The following TDRD12 variants were observed in gnomAD, a reference collection of about 807,000 sequenced individuals.
TDRD12 encodes the protein tudor domain containing 12.
TDRD12 carries 158 observed loss-of-function variants against 133.5 expected under a neutral mutation model. The observed-to-expected ratio is 1.18, with a 90% CI of 1.04 to 1.35. The LOEUF (loss-of-function observed/expected upper bound fraction) is 1.35. Among genes scored for constraint, TDRD12 ranks in the 40% most tolerant of loss-of-function variants. TDRD12 has a pLI of 0.00. For synonymous variants in TDRD12, 460 were observed against 477.9 expected (o/e 0.96, Z 0.49); for missense variants, 1,443 against 1,321.3 (o/e 1.09, Z -1.43).
intron 8 of TDRD12, among the ~76,000 whole-genome samples, chr19:32,758,520 C>G (rs897428899): frequency 1.3e-5 from 2 of 152,156 alleles, no homozygotes; most frequent in Non-Finnish European, 2.9e-5. Flanking sequence ...AAACTGGTTT[C>G]TGCTTGAAAA....
At chr19:32,746,996 G>A (rs1190576494) in intron 4 of TDRD12, among the ~76,000 whole-genome samples, 1 of 139,018 alleles carries the variant, frequency 7.2e-6, no homozygotes, top group African/African-American at 2.7e-5. Context: ...GAGAGGAGGG[G>A]AGAGACTGGC....
intron 4 of TDRD12, among the ~76,000 whole-genome samples, chr19:32,744,532 A>G (rs970743207): frequency 6.7e-6 from 1 of 149,784 alleles, no homozygotes; most frequent in Admixed American, 6.6e-5. Flanking sequence ...AAACAAAAGA[A>G]TATAGATAAA....
chr19:32,720,046 GC>G (rs1968571917), exon 1 of TDRD12: 1 of 1,547,590 alleles, frequency 6.5e-7, no homozygotes, highest in African/African-American at 1.4e-5. Flanking sequence ...GGGCGAGGGG[GC>G]CCATCTGCCC....
rs1234112881 is a variant in TDRD12 at position 32,815,638 on chromosome 19, T to A, written c.3314+18T>A. The A allele has an allele frequency of 6.6e-7, 1 of 1,521,780 alleles. No individual in the cohort carries two copies. Among genetic ancestry groups the A allele is most frequent in the Non-Finnish European group, 8.8e-7 (1 of 1,141,054 alleles). The allele number at this position is 1,521,780 out of a possible 1,614,324, so 94.3% of individuals were successfully genotyped here. A position where few individuals can be genotyped will look rare whatever the true frequency, so the allele number is the denominator to read the frequency against. ...CAGACCCCGTAAGTGGATTTCTGTC[T>A]CCTTTTTGGAAGAGTTGTTTTTTGG... is the stretch of plus-strand genomic sequence containing the variant. On this transcript the variant is annotated intron_variant, in intron 26 of 27. Transcript: ENST00000444215.
intron 4 of TDRD12, among the ~76,000 whole-genome samples, chr19:32,746,908 G>GAGAA (rs1253100766): frequency 7.0e-6 from 1 of 142,666 alleles, no homozygotes; most frequent in Non-Finnish European, 1.5e-5. Flanking sequence ...GAGAGAGAGA[G>GAGAA]GGAGAGACTG....
At chr19:32,823,423 T>A (rs1422239892), downstream of TDRD12, among the ~76,000 whole-genome samples, 1 of 152,134 alleles carries the variant, frequency 6.6e-6, no homozygotes, top group Non-Finnish European at 1.5e-5. Context: ...ATGGGGGTCA[T>A]CTGGAAGGAT....
At position 32,805,218 on chromosome 19, in the gene TDRD12, CACATAT is replaced by C. The variant is rs765755664; in HGVS notation, c.2552+2078_2552+2083del. 1.6e-4 allele frequency among the ~76,000 whole-genome samples: 13 copies of C among 83,624 alleles called. No individual in the cohort carries two copies. The East Asian group carries it at 3.8e-3, about 25-fold the overall frequency. 54.9% of individuals were successfully genotyped at this position (83,624 alleles called of 152,430 possible). A position where few individuals can be genotyped will look rare whatever the true frequency, so the allele number is the denominator to read the frequency against. ...ATATATACACACACACACACACACA[CACATAT>C]ATATATATATAAGCCAGCTGTGGTG... On this transcript the variant is annotated intron_variant, in intron 21 of 27. Coordinates refer to ENST00000444215, the Ensembl canonical transcript of TDRD12.
At chr19:32,720,014 C>CCG in exon 1 of TDRD12, 1 of 1,541,404 alleles carries the variant, frequency 6.5e-7, no homozygotes, top group Non-Finnish European at 8.7e-7. Context: ...CCAGCCTCAC[C>CCG]CGCGACGGTA....
chr19:32,803,363 T>C lies in TDRD12; in HGVS notation c.2552+221T>C, dbSNP rs1971456271. Among the ~76,000 whole-genome samples the C allele has an allele frequency of 2.0e-5, 3 of 152,286 alleles. No homozygotes were observed. In the South Asian group the frequency reaches 6.2e-4, roughly 32 times the overall value. Reference sequence around the variant, plus strand: ...TTTGAACTCCATAGAAATGGCATCGTGGTATGTTCTCTTTCGTGTCTGGCT... The same window carrying C: ...TTTGAACTCCATAGAAATGGCATCGCGGTATGTTCTCTTTCGTGTCTGGCT... On this transcript the variant is annotated intron_variant, in intron 21 of 27. Coordinates refer to ENST00000444215, the Ensembl canonical transcript of TDRD12.
chr19:32,778,056 C>T (rs1457055619), intron 11 of TDRD12, among the ~76,000 whole-genome samples: 3 of 151,282 alleles, frequency 2.0e-5, no homozygotes, highest in Admixed American at 1.3e-4. Context: ...AACAGTTTTA[C>T]ATTCCAAGTA....
At chr19:32,777,038 A>G in intron 10 of TDRD12, 111 bp from the exon 11 acceptor site, 4 of 704,144 alleles carry the variant, frequency 5.7e-6, no homozygotes, top group Non-Finnish European at 6.9e-6. Context: ...ATAGGTGCAC[A>G]CCACCATGCC....
At chr19:32,739,052 A>G in intron 3 of TDRD12, 60 bp downstream of exon 3, 1 of 1,538,496 alleles carries the variant, frequency 6.5e-7, no homozygotes, top group Non-Finnish European at 8.8e-7. Context: ...GTTTCAAAGG[A>G]GAACGTCCAT....
intron 14 of TDRD12, 98 bp from the exon 15 acceptor site, chr19:32,797,637 G>A (rs1698421187): frequency 7.4e-6 from 4 of 542,574 alleles, no homozygotes; most frequent in Non-Finnish European, 1.3e-5. Flanking sequence ...AAACTTACGG[G>A]GTGCTGCTTC....
chr19:32,724,686 C>T (rs535885930), intron 1 of TDRD12, among the ~76,000 whole-genome samples: 17 of 152,100 alleles, frequency 1.1e-4, no homozygotes, highest in Non-Finnish European at 2.1e-4. Flanking sequence ...AGTGAACATA[C>T]GCATGTATGT....
At position 32,826,682 on chromosome 19, in the gene TDRD12, G is replaced by GAAC. The variant is rs1967602141; in HGVS notation, c.1049+85_1049+87dup. On this transcript the variant is annotated intron_variant, in intron 9 of 9. Coordinates refer to the TDRD12 transcript ENST00000637289. ...TCACTGTCAGCTGTTCTCTTGAACAGAACCCCAACGTGGCTTTTGATTTTG... is the reference window on the plus strand; with the variant it reads ...TCACTGTCAGCTGTTCTCTTGAACAGAACAACCCCAACGTGGCTTTTGATTTTG... 8.1e-7 allele frequency: 1 copy of GAAC among 1,231,032 alleles called. No individual in the cohort carries two copies. The highest frequency in any genetic ancestry group is 3.2e-5 in the East Asian group (1 of 31,624). The allele number at this position is 1,231,032 out of a possible 1,614,324, so 76.3% of individuals were successfully genotyped here. A position where few individuals can be genotyped will look rare whatever the true frequency, so the allele number is the denominator to read the frequency against.
intron 8 of TDRD12, among the ~76,000 whole-genome samples, chr19:32,761,790 A>G (rs573523846): frequency 6.6e-6 from 1 of 152,110 alleles, no homozygotes; most frequent in African/African-American, 2.4e-5. Flanking sequence ...CCCAGGTTCA[A>G]GCCTCCTGCC....
intron 8 of TDRD12, among the ~76,000 whole-genome samples, chr19:32,765,769 T>C (rs1970279196): frequency 6.6e-6 from 1 of 151,854 alleles, no homozygotes; most frequent in Non-Finnish European, 1.5e-5. Context: ...GGGATAACAT[T>C]AGGAGATATA....
At chr19:32,800,460 A>G in intron 17 of TDRD12, 102 bp downstream of exon 17, 1 of 1,026,866 alleles carries the variant, frequency 9.7e-7, no homozygotes, top group South Asian at 1.9e-5. Flanking sequence ...ATGGCTTAGT[A>G]TTAAACAATT....
intron 21 of TDRD12, among the ~76,000 whole-genome samples, chr19:32,804,115 C>G (rs1031689807): frequency 1.3e-5 from 2 of 151,834 alleles, no homozygotes; most frequent in Admixed American, 6.6e-5. Context: ...CTCTGTTGCC[C>G]AGGCTGGAGT....
Sources: allele counts gnomAD v4.1 joint callset (sites outside exome capture counted in the v4.1 genomes callset), GRCh38; gene constraint gnomAD v4.1.1; transcripts MANE v1.5; gene names NCBI Gene and HGNC (gene_info 2026-07-23, HGNC 2026-07-21).